Variants in ERCC8 observed in about 807,000 individuals in gnomAD.
The protein encoded by ERCC8 is DNA excision repair protein ERCC-8.
Under a neutral mutation model 54.9 loss-of-function variants are expected in ERCC8, and 52 were observed. That is an observed-to-expected ratio of 0.95 (90% CI 0.76 to 1.19). The LOEUF is 1.19. Among genes scored for constraint, ERCC8 ranks in the 50% most tolerant of loss-of-function variants. The probability of loss-of-function intolerance (pLI) is 0.00; values close to 1 mark genes in which losing one functional copy is unlikely to be tolerated. For missense variants in ERCC8, 514 were observed against 466.1 expected (o/e 1.10, Z -0.95); for synonymous variants, 146 against 157.2 (o/e 0.93, Z 0.53).
intron 4 of ERCC8, among the ~76,000 whole-genome samples, chr5:60,908,067 C>T (rs950805797): frequency 1.3e-4 from 20 of 152,110 alleles, no homozygotes; most frequent in Non-Finnish European, 4.4e-5. Flanking sequence ...CTTTTCATCA[C>T]CTTTAGCAGA....
rs1034340088 is a variant in ERCC8 at position 60,882,501 on chromosome 5, T to C, written c.1122+4939A>G. On this transcript the variant is annotated intron_variant, in intron 11 of 11. Transcript: ENST00000676185. ...CCTCTGCCCCCCAGGTTCAAGTGAG[T>C]CTTCTGCCTCAGCTTCCTAAGTAGC... Among the ~76,000 whole-genome samples, 6 of 152,070 alleles carry C rather than the reference T, an allele frequency of 3.9e-5. No individual in the cohort carries two copies. The East Asian group carries it at 5.8e-4, about 15-fold the overall frequency.
At position 60,903,658 on chromosome 5, in the gene ERCC8, G is replaced by T; in HGVS notation, c.540C>A (p.His180Gln). ...ATAAAATAAAAATACCCTGTAGAAT[G>T]TGAGAACAGGATCCAGACTTCAAGT... ...LCDLKSGSCSHILQGHRQEIL... is the reference protein window; with the variant it reads ...LCDLKSGSCSQILQGHRQEIL... Residue 180 changes from histidine to glutamine, a missense_variant, in exon 6 of 12, where the codon CAC becomes CAA. Coordinates refer to ENST00000676185, the MANE Select transcript of ERCC8 (RefSeq NM_000082.4). The T allele has an allele frequency of 6.2e-7, 1 of 1,612,486 alleles. No individual in the cohort carries two copies. Among genetic ancestry groups the T allele is most frequent in the Admixed American group, 1.7e-5 (1 of 59,954 alleles).
chr5:60,921,954 T>G (rs966771732), intron 3 of ERCC8, 100 bp downstream of exon 3: 9 of 751,934 alleles, frequency 1.2e-5, no homozygotes, highest in Non-Finnish European at 1.9e-5. Flanking sequence ...AACCATTCGC[T>G]TGACCCATTC....
At chr5:60,896,309 C>A (rs547562954) in intron 9 of ERCC8, among the ~76,000 whole-genome samples, 188 of 152,288 alleles carry the variant, frequency 1.2e-3, no homozygotes, top group Non-Finnish European at 1.9e-3. Flanking sequence ...CTCCACCTCC[C>A]GGGTTCAAGC....
chr5:60,931,944 T>C (rs990230899), intron 1 of ERCC8, among the ~76,000 whole-genome samples: 1 of 152,138 alleles, frequency 6.6e-6, no homozygotes, highest in Non-Finnish European at 1.5e-5. Context: ...CCATCTCCAC[T>C]ACCATCCCCT....
chr5:60,889,509 T>A (rs1170769699), intron 10 of ERCC8, among the ~76,000 whole-genome samples: 2 of 152,140 alleles, frequency 1.3e-5, no homozygotes, highest in African/African-American at 4.8e-5. Context: ...CCTCATTCTG[T>A]CACCTAGGCT....
intron 7 of ERCC8, among the ~76,000 whole-genome samples, chr5:60,901,949 C>T (rs1479813001): frequency 3.3e-5 from 5 of 151,832 alleles, no homozygotes; most frequent in African/African-American, 4.8e-5. Context: ...TTTCTGGATG[C>T]CCTGTAATCA....
chr5:60,929,758 T>A (rs1207006173), intron 1 of ERCC8, among the ~76,000 whole-genome samples: 2 of 152,234 alleles, frequency 1.3e-5, no homozygotes, highest in Non-Finnish European at 2.9e-5. Flanking sequence ...TAAGATTAAA[T>A]GAGTTTGTAT....
chr5:60,921,318 CAA>C (rs1749594772), intron 3 of ERCC8, among the ~76,000 whole-genome samples: 1 of 151,886 alleles, frequency 6.6e-6, no homozygotes, highest in African/African-American at 2.4e-5. Flanking sequence ...TTAATGTTTA[CAA>C]AGTTTTCCCT....
At chr5:60,944,509 C>T (rs1394339950) in intron 1 of ERCC8, among the ~76,000 whole-genome samples, 1 of 152,202 alleles carries the variant, frequency 6.6e-6, no homozygotes, top group Non-Finnish European at 1.5e-5. Flanking sequence ...GAACTTTGTT[C>T]AATTCCTGGC....
intron 1 of ERCC8, among the ~76,000 whole-genome samples, chr5:60,935,927 G>A (rs570727728): frequency 6.6e-6 from 1 of 152,250 alleles, no homozygotes; most frequent in South Asian, 2.1e-4. Flanking sequence ...ATATGCTGCT[G>A]GATTTGGTTA....
intron 3 of ERCC8, among the ~76,000 whole-genome samples, chr5:60,921,624 G>T: frequency 6.6e-6 from 1 of 151,804 alleles, no homozygotes; most frequent in Admixed American, 6.6e-5. Context: ...TTTGGTGAGG[G>T]AATACCAATA....
chr5:60,914,346 CTTCT>C (rs1419351152), intron 4 of ERCC8, among the ~76,000 whole-genome samples: 4 of 152,020 alleles, frequency 2.6e-5, no homozygotes, highest in South Asian at 2.1e-4. Flanking sequence ...ATGTAATGGC[CTTCT>C]TTGTCTCTTT....
chr5:60,879,422 C>T (rs1748129481), intron 11 of ERCC8, among the ~76,000 whole-genome samples: 1 of 152,112 alleles, frequency 6.6e-6, no homozygotes. Flanking sequence ...CCTGGATATC[C>T]TTGTTAACTT....
Position 60,922,113 on chromosome 5 carries a change from G to C in ERCC8, c.216C>G (p.Asp72Glu), listed in dbSNP as rs776453112. ...AAGATTGTCTGCTGGAGTTCTCAAGGTCATAAAGTACAATCACACCATCTG... is the reference window on the plus strand; with the variant it reads ...AAGATTGTCTGCTGGAGTTCTCAAGCTCATAAAGTACAATCACACCATCTG... ...GGSDGVIVLY[D>E]LENSSRQSYY... The change falls in exon 3 of 12, where the codon GAC (aspartate) becomes GAG (glutamate). Residue 72 changes from aspartate to glutamate, a missense_variant. Physicochemically the swap from Asp to Glu is conservative, Grantham distance 45. Transcript: ENST00000676185. 1.2e-5 allele frequency: 19 copies of C among 1,610,272 alleles called. No homozygotes were observed. The South Asian group carries it at 1.9e-4, about 16-fold the overall frequency.
intron 11 of ERCC8, among the ~76,000 whole-genome samples, chr5:60,882,010 T>G (rs3925381): frequency 0.016 from 2,395 of 152,160 alleles, 75 homozygotes; most frequent in African/African-American, 0.055. Context: ...TCCACCTAGT[T>G]TTTTGTATTT....
Position 60,902,436 on chromosome 5 carries a change from T to C in ERCC8, c.617+6A>G, listed in dbSNP as rs771262517. 3 of 1,607,038 alleles carry C rather than the reference T, an allele frequency of 1.9e-6. No homozygotes were observed. The highest frequency in any genetic ancestry group is 2.6e-6 in the Non-Finnish European group (3 of 1,174,332). Reference sequence around the variant, plus strand: ...TAACTTCAAAAGCAAATAAGTTAAATTTTACCTTGCTGTTGCCAAGATATA... The same window carrying C: ...TAACTTCAAAAGCAAATAAGTTAAACTTTACCTTGCTGTTGCCAAGATATA... On this transcript the variant is annotated splice_donor_region_variant and intron_variant, in intron 7 of 11. Transcript: ENST00000676185.
chr5:60,929,016 C>A (rs1164780344), intron 1 of ERCC8, 57 bp from the exon 2 acceptor site: 2 of 1,043,634 alleles, frequency 1.9e-6, no homozygotes, highest in Admixed American at 3.5e-5. Context: ...TTAAAAATTT[C>A]TTATTTAACC....
intron 4 of ERCC8, among the ~76,000 whole-genome samples, chr5:60,909,242 T>TG (rs1561506497): frequency 7.6e-4 from 18 of 23,556 alleles, no homozygotes; most frequent in Admixed American, 2.1e-3. Context: ...TGCCCTATTC[T>TG]GAAAAAAAAA....
Sources: allele counts gnomAD v4.1 joint callset (sites outside exome capture counted in the v4.1 genomes callset), GRCh38; gene constraint gnomAD v4.1.1; transcripts MANE v1.5; gene names NCBI Gene and HGNC (gene_info 2026-07-23, HGNC 2026-07-21).